Variants in CHN2 observed in about 807,000 individuals in gnomAD.
The protein encoded by CHN2 is beta-chimaerin.
CHN2 carries 35 observed loss-of-function variants against 56.3 expected under a neutral mutation model. That is an observed-to-expected ratio of 0.62 (90% CI 0.47 to 0.82). The LOEUF (loss-of-function observed/expected upper bound fraction) is 0.82, where lower values mean the gene tolerates loss of function less well. Ranked by LOEUF, CHN2 falls within the 40% of genes least tolerant of loss-of-function variation. The pLI is 0.00. For missense variants in CHN2, 491 were observed against 580.5 expected (o/e 0.85, Z 1.58); for synonymous variants, 210 against 212.8 (o/e 0.99, Z 0.12).
chr7:29,283,959 C>T (rs1317945827), intron 1 of CHN2, among the ~76,000 whole-genome samples: 1 of 101,284 alleles, frequency 9.9e-6, no homozygotes, highest in African/African-American at 4.0e-5. Context: ...TTTTGAGACA[C>T]AGTCTCACTC....
intron 2 of CHN2, among the ~76,000 whole-genome samples, chr7:29,162,867 G>T (rs1184147277): frequency 1.3e-5 from 2 of 152,088 alleles, no homozygotes; most frequent in Non-Finnish European, 2.9e-5. Context: ...TTTGTGTGAT[G>T]GAACAGTCCT....
chr7:29,165,095 C>T (rs1008941695), intron 2 of CHN2, among the ~76,000 whole-genome samples: 1 of 152,024 alleles, frequency 6.6e-6, no homozygotes, highest in African/African-American at 2.4e-5. Flanking sequence ...AAAAACAAGC[C>T]TGCTGATTTT....
rs1789108197 is a variant in CHN2, at chr7:29,494,981, A to T, written c.655-971A>T. Among the ~76,000 whole-genome samples the T allele has an allele frequency of 2.2e-5, 3 of 134,956 alleles. 1 individual carries two copies. The highest frequency in any genetic ancestry group is 3.2e-5 in the Non-Finnish European group (2 of 62,958). 88.5% of individuals were successfully genotyped at this position (134,956 alleles called of 152,430 possible). On this transcript the variant is annotated intron_variant, in intron 7 of 12. Transcript: ENST00000222792. ...AAAAAAAAAAAAAAAAAAAAAAAAA[A>T]TTGTCTACATTTCTTTTGTTAATAG... is the stretch of plus-strand genomic sequence containing the variant.
intron 6 of CHN2, among the ~76,000 whole-genome samples, chr7:29,425,115 G>T (rs1177217356): frequency 6.6e-6 from 1 of 152,234 alleles, no homozygotes; most frequent in East Asian, 1.9e-4. Context: ...GGTGTTGATT[G>T]AGAGATCTCA....
At chr7:29,368,475 A>T (rs1799352953) in intron 3 of CHN2, among the ~76,000 whole-genome samples, 2 of 152,194 alleles carry the variant, frequency 1.3e-5, no homozygotes. Context: ...TCCTTAGTTC[A>T]CTAATCAGTT....
chr7:29,244,327 A>G (rs1787910177), intron 1 of CHN2, among the ~76,000 whole-genome samples: 1 of 152,190 alleles, frequency 6.6e-6, no homozygotes, highest in Non-Finnish European at 1.5e-5. Flanking sequence ...CATGAAGCAT[A>G]CAATCCACCT....
rs114865441 is a variant in CHN2, at chr7:29,361,633, T to C, written c.89-6299T>C. On this transcript the variant is annotated intron_variant, in intron 2 of 12. Transcript: ENST00000222792. ...TGGCTGGGGATTGTTCTTTGTTGGT[T>C]GTGAGATTGGTGAATTACCAAATTT... Among the ~76,000 whole-genome samples the C allele has an allele frequency of 3.3e-3, 503 of 152,316 alleles. 1 individual carries two copies. Among genetic ancestry groups the C allele is most frequent in the African/African-American group, 0.011 (472 of 41,562 alleles).
At chr7:29,198,392 TGTC>T (rs1265594903) in intron 1 of CHN2, among the ~76,000 whole-genome samples, 8 of 152,258 alleles carry the variant, frequency 5.3e-5, no homozygotes, top group African/African-American at 1.9e-4. Context: ...CGCCCAAATG[TGTC>T]ATTTATTCTA....
chr7:29,210,841 C>T (rs1423126767), intron 1 of CHN2, among the ~76,000 whole-genome samples: 3 of 152,102 alleles, frequency 2.0e-5, no homozygotes, highest in African/African-American at 2.4e-5. Context: ...CAGAAGGAAC[C>T]GCAGCTGCAG....
intron 6 of CHN2, among the ~76,000 whole-genome samples, chr7:29,425,626 T>G (rs941769905): frequency 6.6e-6 from 1 of 152,180 alleles, no homozygotes; most frequent in Non-Finnish European, 1.5e-5. Flanking sequence ...AAGTGGGGTA[T>G]TCGGGTAGGT....
chr7:29,286,507 AG>A (rs1166974303), intron 1 of CHN2, among the ~76,000 whole-genome samples: 3 of 152,138 alleles, frequency 2.0e-5, no homozygotes, highest in Admixed American at 6.5e-5. Context: ...TCCGTGGGGC[AG>A]GGGCGAAGCC....
At chr7:29,175,320 G>A (rs753222279) in intron 2 of CHN2, among the ~76,000 whole-genome samples, 4 of 151,862 alleles carry the variant, frequency 2.6e-5, no homozygotes, top group South Asian at 2.1e-4. Flanking sequence ...GATTACAGGC[G>A]CATGCCACCA....
chr7:29,396,893 C>G (rs754466386), intron 4 of CHN2: 3 of 152,878 alleles, frequency 2.0e-5, no homozygotes, highest in African/African-American at 4.8e-5. Context: ...CACCTCTGCT[C>G]CAGGCCCCAA....
At chr7:29,493,137 T>C (rs1788840269) in intron 7 of CHN2, among the ~76,000 whole-genome samples, 1 of 152,210 alleles carries the variant, frequency 6.6e-6, no homozygotes, top group African/African-American at 2.4e-5. Context: ...TACTGTACCT[T>C]TTCTATGTTT....
chr7:29,286,293 C>G (rs926973636), intron 1 of CHN2, among the ~76,000 whole-genome samples: 1 of 151,208 alleles, frequency 6.6e-6, no homozygotes, highest in Non-Finnish European at 1.5e-5. Flanking sequence ...CTTGGAGTAC[C>G]TAAATGACTG....
At chr7:29,276,556 T>G (rs994410266) in intron 1 of CHN2, among the ~76,000 whole-genome samples, 1 of 152,222 alleles carries the variant, frequency 6.6e-6, no homozygotes, top group Non-Finnish European at 1.5e-5. Flanking sequence ...TTAAAAACTG[T>G]GTGGTTGCAC....
chr7:29,381,809 CAAAAAAAAA>C (rs60652952), intron 3 of CHN2, among the ~76,000 whole-genome samples: 9 of 39,512 alleles, frequency 2.3e-4, no homozygotes, highest in Admixed American at 1.8e-3. Flanking sequence ...CTAAACTAAG[CAAAAAAAAA>C]AAAAAAAAAA....
At chr7:29,146,929 C>A in exon 2 of CHN2, 1 of 1,551,146 alleles carries the variant, frequency 6.4e-7, no homozygotes, top group South Asian at 1.2e-5. Flanking sequence ...AACACACGTT[C>A]GCTGATGGTC....
intron 1 of CHN2, among the ~76,000 whole-genome samples, chr7:29,261,518 G>A (rs549193582): frequency 2.6e-4 from 39 of 149,876 alleles, no homozygotes; most frequent in African/African-American, 8.3e-4. Flanking sequence ...GCCCACACAC[G>A]TTGTCTGGAG....
Sources: allele counts gnomAD v4.1 joint callset (sites outside exome capture counted in the v4.1 genomes callset), GRCh38; gene constraint gnomAD v4.1.1; transcripts MANE v1.5; gene names NCBI Gene and HGNC (gene_info 2026-07-23, HGNC 2026-07-21).